The following C9 variants were observed in gnomAD, a reference collection of about 807,000 sequenced individuals.
C9 encodes the protein complement C9.
In C9, 63 loss-of-function variants were observed where a neutral mutation model predicts 65.4. That is an observed-to-expected ratio of 0.96 (90% CI 0.79 to 1.19). The LOEUF is 1.19. Ranked by LOEUF, C9 falls within the 50% of genes most tolerant of loss-of-function variation. The pLI is 0.00. For missense variants in C9, 744 were observed against 670.1 expected, an observed-to-expected ratio of 1.11 and a Z score of -1.22; for synonymous variants, 229 against 227.9, an observed-to-expected ratio of 1.00 and a Z score of -0.04.
At chr5:39,346,924 A>T (rs968975730) in intron 1 of C9, among the ~76,000 whole-genome samples, 1 of 152,222 alleles carries the variant, frequency 6.6e-6, no homozygotes, top group Non-Finnish European at 1.5e-5. Flanking sequence ...CAAAAACCAC[A>T]TGATTATCTC....
At chr5:39,305,931 C>G (rs2111874366) in intron 9 of C9, among the ~76,000 whole-genome samples, 1 of 152,158 alleles carries the variant, frequency 6.6e-6, no homozygotes, top group South Asian at 2.1e-4. Context: ...AAGGCTGAGG[C>G]AGGCAGATCA....
chr5:39,353,858 T>C (rs1382695296), intron 1 of C9, among the ~76,000 whole-genome samples: 1 of 151,288 alleles, frequency 6.6e-6, no homozygotes, highest in Admixed American at 6.6e-5. Flanking sequence ...TCAGGAAGGG[T>C]TTTTTTTTAA....
intron 1 of C9, among the ~76,000 whole-genome samples, chr5:39,359,072 G>A (rs10472318): frequency 2.5e-5 from 3 of 118,862 alleles, no homozygotes; most frequent in Non-Finnish European, 3.5e-5. Flanking sequence ...ATATATATAT[G>A]TGTGTGTATA....
chr5:39,305,086 C>A (rs904178221), intron 9 of C9, among the ~76,000 whole-genome samples: 6 of 151,086 alleles, frequency 4.0e-5, no homozygotes, highest in Non-Finnish European at 8.9e-5. Context: ...CCTAAATCAC[C>A]CATTTTTTTT....
intron 5 of C9, 24 bp from the exon 6 acceptor site, chr5:39,316,053 G>T: frequency 6.3e-7 from 1 of 1,595,760 alleles, no homozygotes; most frequent in Non-Finnish European, 8.6e-7. Flanking sequence ...AAAAAGTGTT[G>T]TTAAAAACAA....
Position 39,306,669 on chromosome 5 carries a change from AAGTC to A in C9, c.1360_1363del (p.Asp454LeufsTer8), listed in dbSNP as rs1753384075. On this transcript the variant is annotated frameshift_variant, in exon 9 of 11. Coordinates refer to ENST00000263408, the MANE Select transcript of C9 (RefSeq NM_001737.5). LOFTEE classifies it high-confidence loss of function. ...ATTTATGGAAGAGGCCCAGTTGACA[AAGTC>A]AGTCACATCAATCACGGTTCCTCGG... 1 of 1,613,722 alleles carries A rather than the reference AAGTC, an allele frequency of 6.2e-7. No individual in the cohort carries two copies. Among genetic ancestry groups the A allele is most frequent in the South Asian group, 1.1e-5 (1 of 91,086 alleles).
chr5:39,345,940 A>G (rs1754185233), intron 1 of C9, among the ~76,000 whole-genome samples: 1 of 152,232 alleles, frequency 6.6e-6, no homozygotes, highest in South Asian at 2.1e-4. Context: ...TAACGAAATG[A>G]AGCCAGAAAT....
intron 4 of C9, among the ~76,000 whole-genome samples, chr5:39,340,477 T>C (rs540971112): frequency 2.0e-5 from 3 of 152,316 alleles, no homozygotes; most frequent in African/African-American, 7.2e-5. Flanking sequence ...CAGAACAGAA[T>C]AGAACCGAAT....
intron 1 of C9, among the ~76,000 whole-genome samples, chr5:39,363,366 G>A (rs554727540): frequency 3.3e-5 from 5 of 152,334 alleles, no homozygotes; most frequent in African/African-American, 1.2e-4. Context: ...CACTTGTTGA[G>A]TGGAGCCCAG....
intron 9 of C9, among the ~76,000 whole-genome samples, chr5:39,297,943 A>G (rs1417610950): frequency 1.3e-5 from 2 of 151,688 alleles, no homozygotes; most frequent in Non-Finnish European, 3.0e-5. Context: ...TACTCAATAT[A>G]TTGAGAATAA....
At position 39,315,889 on chromosome 5, in the gene C9, T is replaced by A. The variant is rs758235529; in HGVS notation, c.756A>T (p.Glu252Asp). 6.2e-7 allele frequency: 1 copy of A among 1,613,582 alleles called. No homozygotes were observed. The highest frequency in any genetic ancestry group is 1.7e-5 in the Admixed American group (1 of 60,010). Residue 252 changes from glutamate (E) to aspartate (D), a missense_variant, in exon 6 of 11, where the codon GAA (glutamate) becomes GAT (aspartate). Coordinates refer to ENST00000263408, the MANE Select transcript of C9 (RefSeq NM_001737.5). The stretch of plus-strand genomic sequence containing the variant: ...AGGAGGCTGTTTCCTCACAACATTG[T>A]TCAGCTTTATTTGTTTCAGTGGGTG... ...KFTPTETNKA[E>D]QCCEETASSI...
chr5:39,329,741 T>G (rs1331626370), intron 5 of C9, among the ~76,000 whole-genome samples: 1 of 152,228 alleles, frequency 6.6e-6, no homozygotes, highest in African/African-American at 2.4e-5. Flanking sequence ...GAGTTGGTAT[T>G]GGTAATAAGC....
intron 1 of C9, among the ~76,000 whole-genome samples, chr5:39,361,151 T>A (rs1361109706): frequency 6.6e-6 from 1 of 151,786 alleles, no homozygotes; most frequent in Admixed American, 6.6e-5. Flanking sequence ...TAAAAAATAG[T>A]ATATATAATA....
intron 1 of C9, among the ~76,000 whole-genome samples, chr5:39,357,170 CT>C (rs1369001779): frequency 1.3e-5 from 2 of 152,158 alleles, no homozygotes; most frequent in Non-Finnish European, 2.9e-5. Flanking sequence ...TTCCAGGATA[CT>C]TTGTGGTAGG....
chr5:39,333,736 CGAGTGCCT>C, intron 4 of C9, among the ~76,000 whole-genome samples: 1 of 151,976 alleles, frequency 6.6e-6, no homozygotes, highest in South Asian at 2.1e-4. Context: ...CTCAGCCTGC[CGAGTGCCT>C]GCGATTGCAG....
At chr5:39,357,088 C>T (rs759350750) in intron 1 of C9, among the ~76,000 whole-genome samples, 2 of 152,184 alleles carry the variant, frequency 1.3e-5, no homozygotes, top group African/African-American at 2.4e-5. Flanking sequence ...TTGATATACG[C>T]CTGGTCCTAT....
Position 39,336,536 on chromosome 5 carries a change from C to T in C9, c.476+4610G>A, listed in dbSNP as rs184997350. ...TATCTTAAATTTTTAAAAATCATTA[C>T]TGTAAGTAAAATTTTATTGGAAAGC... On this transcript the variant is annotated intron_variant, in intron 4 of 10. Coordinates refer to ENST00000263408, the MANE Select transcript of C9 (RefSeq NM_001737.5). Among the ~76,000 whole-genome samples, 144 of 152,112 alleles carry T rather than the reference C, an allele frequency of 9.5e-4. 1 individual carries two copies. Among genetic ancestry groups the T allele is most frequent in the African/African-American group, 3.4e-3 (140 of 41,496 alleles).
intron 1 of C9, among the ~76,000 whole-genome samples, chr5:39,346,404 T>C (rs1754196172): frequency 6.6e-6 from 1 of 152,120 alleles, no homozygotes; most frequent in Non-Finnish European, 1.5e-5. Context: ...ACTACACAAA[T>C]AAACTAGAAA....
chr5:39,308,134 A>T, intron 8 of C9, 96 bp downstream of exon 8: 1 of 1,127,976 alleles, frequency 8.9e-7, no homozygotes, highest in Non-Finnish European at 1.4e-6. Context: ...AAGCACAAAG[A>T]GGACAGACAA....
Sources: allele counts gnomAD v4.1 joint callset (sites outside exome capture counted in the v4.1 genomes callset), GRCh38; gene constraint gnomAD v4.1.1; transcripts MANE v1.5; gene names NCBI Gene and HGNC (gene_info 2026-07-23, HGNC 2026-07-21).